The following TBCA variants were observed in gnomAD, a reference collection of about 807,000 sequenced individuals.
TBCA encodes the protein tubulin folding cofactor A.
TBCA carries 6 observed loss-of-function variants against 15.8 expected under a neutral mutation model. That is an observed-to-expected ratio of 0.38 (90% confidence interval 0.21 to 0.75). The LOEUF (loss-of-function observed/expected upper bound fraction) is 0.75. Among genes scored for constraint, TBCA ranks in the 30% least tolerant of loss-of-function variants. TBCA has a pLI of 0.46. For missense variants in TBCA, 90 were observed against 131.2 expected (o/e 0.69, Z 1.53); for synonymous variants, 32 against 42.3 (o/e 0.76, Z 0.94).
intron 1 of TBCA, among the ~76,000 whole-genome samples, chr5:77,736,764 A>C (rs1746918281): frequency 6.6e-6 from 1 of 152,204 alleles, no homozygotes; most frequent in Admixed American, 6.5e-5. Flanking sequence ...CAATCAGTGG[A>C]ATTTTAATTG....
chr5:77,755,661 C>G (rs1013098827), intron 1 of TBCA, among the ~76,000 whole-genome samples: 5 of 151,950 alleles, frequency 3.3e-5, no homozygotes, highest in African/African-American at 1.2e-4. Flanking sequence ...TATTAGAAAA[C>G]CTGGCATGCT....
chr5:77,726,496 G>T (rs1481003055), intron 1 of TBCA, among the ~76,000 whole-genome samples: 2 of 152,114 alleles, frequency 1.3e-5, no homozygotes, highest in Non-Finnish European at 2.9e-5. Context: ...GCTTCAGAGA[G>T]TAATGAAAAC....
intron 2 of TBCA, among the ~76,000 whole-genome samples, chr5:77,693,768 T>A (rs936583501): frequency 2.3e-4 from 28 of 121,282 alleles, no homozygotes; most frequent in African/African-American, 8.2e-4. Context: ...CATTGCACTC[T>A]GGCCTGGGCA....
At chr5:77,709,385 T>C (rs1254544771) in intron 1 of TBCA, among the ~76,000 whole-genome samples, 7 of 152,214 alleles carry the variant, frequency 4.6e-5, no homozygotes, top group Admixed American at 3.3e-4. Flanking sequence ...AATAGCTCAA[T>C]CTTCCCTAAT....
intron 1 of TBCA, among the ~76,000 whole-genome samples, chr5:77,709,159 G>A (rs1384037719): frequency 6.6e-6 from 1 of 152,112 alleles, no homozygotes; most frequent in Non-Finnish European, 1.5e-5. Context: ...AGTATTTATT[G>A]TGCGTTTAAT....
At chr5:77,770,654 C>T (rs1419492325) in intron 1 of TBCA, among the ~76,000 whole-genome samples, 1 of 151,884 alleles carries the variant, frequency 6.6e-6, no homozygotes, top group African/African-American at 2.4e-5. Flanking sequence ...TCTGCTAGAG[C>T]TGCCAGATTA....
chr5:77,762,714 C>T (rs1396553213), intron 1 of TBCA, among the ~76,000 whole-genome samples: 1 of 152,114 alleles, frequency 6.6e-6, no homozygotes, highest in Non-Finnish European at 1.5e-5. Context: ...AGTATACAAA[C>T]CACTATCTAT....
At chr5:77,725,541 G>A (rs1247122285) in intron 1 of TBCA, among the ~76,000 whole-genome samples, 1 of 152,094 alleles carries the variant, frequency 6.6e-6, no homozygotes, top group East Asian at 1.9e-4. Context: ...AATGATTCTC[G>A]CTAATAGTCT....
chr5:77,755,790 A>C (rs753125532), intron 1 of TBCA, among the ~76,000 whole-genome samples: 22 of 151,950 alleles, frequency 1.4e-4, no homozygotes, highest in Non-Finnish European at 2.8e-4. Flanking sequence ...AGATCACCTG[A>C]AGTTCGGAAT....
chr5:77,701,011 C>T (rs761745846), intron 2 of TBCA, among the ~76,000 whole-genome samples: 16 of 152,094 alleles, frequency 1.1e-4, no homozygotes, highest in East Asian at 1.9e-4. Context: ...GCTTAGGCAA[C>T]GATTTCATAA....
intron 2 of TBCA, among the ~76,000 whole-genome samples, chr5:77,700,679 C>T (rs376388408): frequency 1.3e-5 from 2 of 152,162 alleles, no homozygotes; most frequent in African/African-American, 4.8e-5. Context: ...AAAAACCACA[C>T]GAATACAACC....
At chr5:77,775,879 G>T (rs254415) in intron 1 of TBCA, among the ~76,000 whole-genome samples, 32,151 of 152,218 alleles carry the variant, frequency 0.21, 4,321 homozygotes, top group Non-Finnish European at 0.3. Flanking sequence ...AGGAGGCACG[G>T]GATCAGGGCC....
chr5:77,697,529 G>A (rs1745899020), intron 2 of TBCA, among the ~76,000 whole-genome samples: 1 of 151,732 alleles, frequency 6.6e-6, no homozygotes, highest in African/African-American at 2.4e-5. Context: ...TAGCCCATGG[G>A]CCAAAAAAAA....
intron 1 of TBCA, among the ~76,000 whole-genome samples, chr5:77,757,143 C>T (rs1268794546): frequency 6.6e-6 from 1 of 152,112 alleles, no homozygotes; most frequent in African/African-American, 2.4e-5. Context: ...GATCTGACCA[C>T]GTCAGGTAGA....
chr5:77,700,046 A>AAAG (rs1745975113), intron 2 of TBCA, among the ~76,000 whole-genome samples: 3 of 146,078 alleles, frequency 2.1e-5, no homozygotes, highest in Admixed American at 6.7e-5. Flanking sequence ...AAAAAAAAAA[A>AAAG]AAAAGAAAAT....
chr5:77,692,364 G>A (rs1745771207), intron 3 of TBCA: 7 of 984,930 alleles, frequency 7.1e-6, no homozygotes, highest in Non-Finnish European at 8.4e-6. Context: ...TTCTCTGTTA[G>A]TAAATACAAG....
intron 1 of TBCA, among the ~76,000 whole-genome samples, chr5:77,719,582 A>G (rs1456543362): frequency 6.6e-6 from 1 of 152,242 alleles, no homozygotes; most frequent in Non-Finnish European, 1.5e-5. Flanking sequence ...TTCAAGTTTT[A>G]TTAATTGCTG....
chr5:77,704,277 T>G (rs1746093309), intron 2 of TBCA, among the ~76,000 whole-genome samples: 1 of 152,162 alleles, frequency 6.6e-6, no homozygotes, highest in Non-Finnish European at 1.5e-5. Context: ...GCCTAATTAC[T>G]TATTTTAAAA....
At chr5:77,718,218 C>T (rs1350321870) in intron 1 of TBCA, among the ~76,000 whole-genome samples, 1 of 152,144 alleles carries the variant, frequency 6.6e-6, no homozygotes, top group African/African-American at 2.4e-5. Context: ...ATAATATTAC[C>T]TTCTATCTAC....
Sources: gnomAD v4.1 joint callset for allele counts (sites outside exome capture counted in the v4.1 genomes callset) on GRCh38, gnomAD v4.1.1 for gene constraint, MANE v1.5 for transcripts, NCBI Gene and HGNC (gene_info 2026-07-23, HGNC 2026-07-21) for gene names.